The following NXN variants were observed in gnomAD, a reference collection of about 807,000 sequenced individuals.
NXN encodes the protein nucleoredoxin.
NXN carries 16 observed loss-of-function variants against 48.6 expected under a neutral mutation model. The ratio of observed to expected loss-of-function variants is 0.33; its 90% CI spans 0.22 to 0.50. The LOEUF is 0.50. NXN is among the 20% of genes least tolerant of loss of function. The pLI is 0.98. For synonymous variants in NXN, 281 were observed against 269.6 expected, an observed-to-expected ratio of 1.04 and a Z score of -0.41; for missense variants, 492 against 605.5, an observed-to-expected ratio of 0.81 and a Z score of 1.97.
chr17:817,704 GC>G (rs1912560710), intron 5 of NXN, among the ~76,000 whole-genome samples: 1 of 150,462 alleles, frequency 6.6e-6, no homozygotes, highest in Non-Finnish European at 1.5e-5. Flanking sequence ...CTGATGAGAT[GC>G]CCCTCAGGCG....
At chr17:963,544 GT>G (rs1347449445) in intron 1 of NXN, among the ~76,000 whole-genome samples, 1 of 152,168 alleles carries the variant, frequency 6.6e-6, no homozygotes, top group African/African-American at 2.4e-5. Flanking sequence ...GGAGGTTGCA[GT>G]GAGCCAAGAT....
chr17:871,259 C>T (rs911755346), intron 1 of NXN, among the ~76,000 whole-genome samples: 2 of 152,086 alleles, frequency 1.3e-5, no homozygotes, highest in African/African-American at 4.8e-5. Context: ...ACCTCCCAGG[C>T]ACCCCGAAGC....
intron 1 of NXN, among the ~76,000 whole-genome samples, chr17:945,586 G>A (rs1045117262): frequency 6.8e-5 from 10 of 148,034 alleles, no homozygotes; most frequent in East Asian, 6.1e-4. Context: ...AGCCGAGATC[G>A]TGCCACTGCA....
intron 1 of NXN, among the ~76,000 whole-genome samples, chr17:843,988 G>C: frequency 6.6e-6 from 1 of 152,272 alleles, no homozygotes; most frequent in East Asian, 1.9e-4. Flanking sequence ...GTCATTCCCT[G>C]TCGCTTTGGG....
intron 1 of NXN, among the ~76,000 whole-genome samples, chr17:973,046 A>G (rs1453229510): frequency 2.0e-3 from 306 of 151,852 alleles, no homozygotes; most frequent in African/African-American, 7.0e-3. Flanking sequence ...AAAAAAAAAA[A>G]AGGTAGAATC....
At chr17:870,847 T>TTTTATTTATTTA (rs761348785) in intron 1 of NXN, among the ~76,000 whole-genome samples, 2 of 151,516 alleles carry the variant, frequency 1.3e-5, no homozygotes, top group South Asian at 2.1e-4. Context: ...TGCTACATGC[T>TTTTATTTATTTA]TTTATTTATT....
At chr17:858,618 C>T (rs369022818) in intron 1 of NXN, among the ~76,000 whole-genome samples, 5 of 151,976 alleles carry the variant, frequency 3.3e-5, no homozygotes, top group African/African-American at 1.2e-4. Flanking sequence ...GTCCCAGCTG[C>T]TGGGGAGGCT....
chr17:943,738 C>T (rs183398695), intron 1 of NXN, among the ~76,000 whole-genome samples: 5,596 of 151,316 alleles, frequency 0.037, 146 homozygotes, highest in Non-Finnish European at 0.054. Context: ...GACAGGAGAA[C>T]TGCTTGAACC....
chr17:805,077 G>A lies in NXN; in HGVS notation c.991C>T (p.Leu331Phe). The A allele has an allele frequency of 6.4e-7, 1 of 1,559,004 alleles. No homozygotes were observed. Among genetic ancestry groups the A allele is most frequent in the African/African-American group, 1.3e-5 (1 of 74,240 alleles). ...CCCGTGAGCTTCATACCTACAAAAA[G>A]GACGAGGCAGGGGCCCTCGTTAAGC... is the stretch of plus-strand genomic sequence containing the variant. ...AQLNEGPCLV[L>F]FVDSEDDGES... Residue 331 changes from leucine to phenylalanine, a missense_variant, in exon 6 of 8, where the codon CTT becomes TTT. Physicochemically the swap from Leu to Phe is conservative, Grantham distance 22. Coordinates refer to ENST00000336868, the MANE Select transcript of NXN (RefSeq NM_022463.5).
At chr17:899,071 C>T (rs2068513627) in intron 1 of NXN, among the ~76,000 whole-genome samples, 1 of 151,426 alleles carries the variant, frequency 6.6e-6, no homozygotes, top group Non-Finnish European at 1.5e-5. Flanking sequence ...GATTCTCCTG[C>T]CTCAGCCTCC....
intron 1 of NXN, among the ~76,000 whole-genome samples, chr17:955,109 C>A (rs75381086): frequency 6.6e-6 from 1 of 151,120 alleles, no homozygotes; most frequent in Non-Finnish European, 1.5e-5. Flanking sequence ...TAAACTCACA[C>A]GGGAAAGATG....
intron 1 of NXN, among the ~76,000 whole-genome samples, chr17:950,048 GA>G (rs981772718): frequency 6.6e-6 from 1 of 151,950 alleles, no homozygotes; most frequent in Non-Finnish European, 1.5e-5. Context: ...TTTTAAAAAG[GA>G]AAAAAAGATT....
In NXN at chr17:958,641, T is replaced by A. The variant is rs908326316; in HGVS notation, c.360+20678A>T. ...CAAAAATTAGCCAGGCGTGGTGGCGTGCGCCTGTAGTCCCAGCTACTCAGG... is the reference window on the plus strand; with the variant it reads ...CAAAAATTAGCCAGGCGTGGTGGCGAGCGCCTGTAGTCCCAGCTACTCAGG... On this transcript the variant is annotated intron_variant, in intron 1 of 7. Coordinates refer to ENST00000336868, the MANE Select transcript of NXN (RefSeq NM_022463.5). The surrounding 1 kb of genome is among the most constrained non-coding windows in gnomAD (Gnocchi z 6.9). Among the ~76,000 whole-genome samples the A allele has an allele frequency of 6.6e-6, 1 of 151,856 alleles. No homozygotes were observed. The highest frequency in any genetic ancestry group is 2.1e-4 in the South Asian group (1 of 4,822).
Position 843,059 on chromosome 17 carries a change from G to GAAA in NXN, c.361-16982_361-16981insTTT, listed in dbSNP as rs1567829215. On this transcript the variant is annotated intron_variant, in intron 1 of 7. Coordinates refer to ENST00000336868, the MANE Select transcript of NXN (RefSeq NM_022463.5). ...AAGAAAGAAAGAAAGAAAGAAAGAA[G>GAAA]GAAGAAAGCAAGCAAGCAAGCTGCA... Among the ~76,000 whole-genome samples the GAAA allele has an allele frequency of 7.0e-3, 683 of 98,270 alleles. 7 individuals carry two copies. The highest frequency in any genetic ancestry group is 8.8e-3 in the African/African-American group (216 of 24,522). The allele number at this position is 98,270 out of a possible 152,430, so 64.5% of individuals were successfully genotyped here.
At chr17:960,588 T>G (rs1176410648) in intron 1 of NXN, among the ~76,000 whole-genome samples, 1 of 140,072 alleles carries the variant, frequency 7.1e-6, no homozygotes, top group Non-Finnish European at 1.6e-5. Flanking sequence ...AAGCGATGCT[T>G]CCACCTCAGC....
intron 1 of NXN, among the ~76,000 whole-genome samples, chr17:840,084 G>T (rs1245691591): frequency 7.2e-6 from 1 of 139,392 alleles, no homozygotes; most frequent in Non-Finnish European, 1.6e-5. Flanking sequence ...GCGACAGAGC[G>T]AGACTGTCTC....
At chr17:804,947 A>T in intron 6 of NXN, 121 bp downstream of exon 6, 1 of 1,073,064 alleles carries the variant, frequency 9.3e-7, no homozygotes, top group Non-Finnish European at 1.4e-6. Flanking sequence ...GGAGAGACAA[A>T]GGCCCAGGCT....
intron 1 of NXN, among the ~76,000 whole-genome samples, chr17:937,617 C>G (rs1341747275): frequency 6.6e-6 from 1 of 152,190 alleles, no homozygotes; most frequent in East Asian, 1.9e-4. Flanking sequence ...GGGGTCCCCC[C>G]ACCGCCCTCC....
At chr17:977,936 CTA>C (rs2069481094) in intron 1 of NXN, among the ~76,000 whole-genome samples, 1 of 152,172 alleles carries the variant, frequency 6.6e-6, no homozygotes. Context: ...GTTAGTGAAC[CTA>C]TGTTTTCCCA....
Sources: allele counts gnomAD v4.1 joint callset (sites outside exome capture counted in the v4.1 genomes callset), GRCh38; gene constraint gnomAD v4.1.1; non-coding constraint Gnocchi (gnomAD v3.1); transcripts MANE v1.5; gene names NCBI Gene and HGNC (gene_info 2026-07-23, HGNC 2026-07-21).